FAM13A: variants seen among roughly 807,000 people sequenced by gnomAD.
The protein encoded by FAM13A is protein FAM13A.
In FAM13A, 76 loss-of-function variants were observed where a neutral mutation model predicts 129.6. That is an observed-to-expected ratio of 0.59 (90% CI 0.49 to 0.71). The LOEUF (loss-of-function observed/expected upper bound fraction) is 0.71. Among genes scored for constraint, FAM13A ranks in the 30% least tolerant of loss-of-function variants. FAM13A has a pLI of 0.00. For synonymous variants in FAM13A, 443 were observed against 449.9 expected, an observed-to-expected ratio of 0.98 and a Z score of 0.20; for missense variants, 1,108 against 1,249.3, an observed-to-expected ratio of 0.89 and a Z score of 1.70.
intron 7 of FAM13A, among the ~76,000 whole-genome samples, chr4:88,833,472 A>G (rs528630305): frequency 6.6e-6 from 1 of 152,364 alleles, no homozygotes; most frequent in Admixed American, 6.5e-5. Flanking sequence ...TTAAAAAAAG[A>G]ATAGGTCCTA....
At chr4:88,814,998 C>T (rs935897937) in intron 7 of FAM13A, among the ~76,000 whole-genome samples, 1 of 151,926 alleles carries the variant, frequency 6.6e-6, no homozygotes, top group African/African-American at 2.4e-5. Flanking sequence ...TGCCACCATG[C>T]ACAGATAATT....
intron 4 of FAM13A, among the ~76,000 whole-genome samples, chr4:88,945,072 T>C (rs1755443801): frequency 1.3e-5 from 2 of 152,184 alleles, no homozygotes; most frequent in Non-Finnish European, 2.9e-5. Flanking sequence ...CTGATTATCT[T>C]TGGTAGAAAT....
chr4:88,803,113 G>A (rs1295419165), intron 8 of FAM13A, among the ~76,000 whole-genome samples: 38 of 152,168 alleles, frequency 2.5e-4, no homozygotes, highest in African/African-American at 2.4e-5. Flanking sequence ...TCTACTTCCG[G>A]TGAGTAACCC....
intron 4 of FAM13A, among the ~76,000 whole-genome samples, chr4:88,974,019 A>G (rs1297196127): frequency 6.6e-6 from 1 of 152,142 alleles, no homozygotes; most frequent in Non-Finnish European, 1.5e-5. Flanking sequence ...CAACCCTTTA[A>G]GAGCAAAATG....
chr4:88,825,926 A>G (rs1240142142), intron 7 of FAM13A, among the ~76,000 whole-genome samples: 3 of 151,900 alleles, frequency 2.0e-5, no homozygotes, highest in South Asian at 4.2e-4. Flanking sequence ...TTTTTGATCT[A>G]TTTTGGGGGC....
At chr4:88,996,866 T>C (rs141606194) in intron 3 of FAM13A, among the ~76,000 whole-genome samples, 3 of 152,186 alleles carry the variant, frequency 2.0e-5, no homozygotes, top group African/African-American at 7.2e-5. Flanking sequence ...GCTCAAGACA[T>C]TGTTTTAAAG....
intron 3 of FAM13A, among the ~76,000 whole-genome samples, chr4:89,011,899 A>C (rs1019936176): frequency 3.3e-5 from 5 of 152,224 alleles, no homozygotes; most frequent in Non-Finnish European, 5.9e-5. Context: ...TATACAACAT[A>C]TCTTCTACTT....
At chr4:88,907,974 A>G (rs1270661585) in intron 5 of FAM13A, among the ~76,000 whole-genome samples, 1 of 152,250 alleles carries the variant, frequency 6.6e-6, no homozygotes, top group Non-Finnish European at 1.5e-5. Context: ...AGTAGTACAC[A>G]GCACATGTTC....
Position 88,781,196 on chromosome 4 carries a change from G to A in FAM13A, c.1427C>T (p.Ser476Phe), listed in dbSNP as rs370681080. Residue 476 changes from serine (S) to phenylalanine (F), a missense_variant, in exon 11 of 24, where the codon TCT becomes TTT. By Grantham distance (155) the Ser-to-Phe change is radical. This residue lies in a region of FAM13A where 566 missense variants were observed against 595.7 expected (regional missense o/e 0.95). Transcript: ENST00000264344. ...PKRQKSSTKLSELHDNQDGLV... is the reference protein window; with the variant it reads ...PKRQKSSTKLFELHDNQDGLV... ...ACCGTCCTGATTGTCATGAAGCTCA[G>A]AAAGTTTAGTACTGGATTTCTGACG... 3.8e-5 allele frequency: 61 copies of A among 1,608,930 alleles called. No homozygotes were observed. The African/African-American group carries it at 7.4e-4, about 19-fold the overall frequency.
At chr4:88,829,392 T>C (rs116396412) in intron 7 of FAM13A, among the ~76,000 whole-genome samples, 2,602 of 152,248 alleles carry the variant, frequency 0.017, 78 homozygotes, top group African/African-American at 0.059. Context: ...TGAGCCATGA[T>C]TGTGCCACTG....
At chr4:88,897,006 G>A (rs1746464832) in intron 6 of FAM13A, among the ~76,000 whole-genome samples, 1 of 152,118 alleles carries the variant, frequency 6.6e-6, no homozygotes, top group South Asian at 2.1e-4. Context: ...CATACCCCAA[G>A]GGAAAAGAGA....
chr4:89,035,288 C>T (rs757898882), intron 1 of FAM13A, among the ~76,000 whole-genome samples: 23 of 152,054 alleles, frequency 1.5e-4, no homozygotes, highest in Non-Finnish European at 2.9e-4. Flanking sequence ...CTCAGCATCA[C>T]GTAATATACC....
chr4:89,015,535 C>T (rs1013938371), intron 3 of FAM13A, among the ~76,000 whole-genome samples: 20 of 152,268 alleles, frequency 1.3e-4, no homozygotes, highest in Non-Finnish European at 1.8e-4. Context: ...TTATCGGGGG[C>T]GGGTTACCCC....
intron 4 of FAM13A, among the ~76,000 whole-genome samples, chr4:88,950,959 C>A (rs904325136): frequency 2.8e-4 from 42 of 152,226 alleles, no homozygotes; most frequent in African/African-American, 1.0e-3. Context: ...TTAGATAGAG[C>A]AACTAAAATA....
At chr4:89,036,357 A>T (rs1231169242) in intron 1 of FAM13A, among the ~76,000 whole-genome samples, 1 of 152,190 alleles carries the variant, frequency 6.6e-6, no homozygotes, top group Non-Finnish European at 1.5e-5. Flanking sequence ...GAGATGATTT[A>T]GGGTATCAGG....
chr4:88,964,908 G>A (rs907929788), intron 4 of FAM13A, among the ~76,000 whole-genome samples: 6 of 152,036 alleles, frequency 3.9e-5, no homozygotes, highest in Non-Finnish European at 8.8e-5. Context: ...GATTACAGGC[G>A]TGAGATACCG....
At chr4:88,987,710 C>T (rs555046011) in intron 4 of FAM13A, among the ~76,000 whole-genome samples, 2 of 151,538 alleles carry the variant, frequency 1.3e-5, no homozygotes, top group Non-Finnish European at 2.9e-5. Flanking sequence ...GGCGTGGTGG[C>T]GGGCGCCTGT....
At chr4:88,737,405 G>T in intron 21 of FAM13A, 67 bp downstream of exon 21, 1 of 1,323,268 alleles carries the variant, frequency 7.6e-7, no homozygotes, top group Non-Finnish European at 1.1e-6. Context: ...TCCATTCACC[G>T]GAGGGGAGGG....
chr4:88,845,800 A>G (rs982978815), intron 7 of FAM13A, among the ~76,000 whole-genome samples: 5 of 152,332 alleles, frequency 3.3e-5, no homozygotes, highest in African/African-American at 1.2e-4. Flanking sequence ...TTTCTAAATA[A>G]TGAAAAAGTA....
Sources: gnomAD v4.1 joint callset for allele counts (sites outside exome capture counted in the v4.1 genomes callset) on GRCh38, gnomAD v4.1.1 for gene constraint, gnomAD v4.1.1 regional missense constraint, MANE v1.5 for transcripts, NCBI Gene and HGNC (gene_info 2026-07-23, HGNC 2026-07-21) for gene names.